The following KAZN variants were observed in gnomAD, a reference collection of about 807,000 sequenced individuals.
The protein encoded by KAZN is kazrin, periplakin interacting protein.
A neutral mutation model predicts 87.4 loss-of-function variants in KAZN; 40 were observed. That is an observed-to-expected ratio of 0.46 (90% CI 0.36 to 0.60). The LOEUF (loss-of-function observed/expected upper bound fraction) is 0.60, where lower values mean the gene tolerates loss of function less well. KAZN is among the 20% of genes least tolerant of loss of function. The probability of loss-of-function intolerance (pLI) is 0.00; values close to 1 mark genes in which losing one functional copy is unlikely to be tolerated. For missense variants in KAZN, 898 were observed against 1,073.9 expected (o/e 0.84, Z 2.29); for synonymous variants, 466 against 458.3 (o/e 1.02, Z -0.22).
intron 1 of KAZN, among the ~76,000 whole-genome samples, chr1:14,706,689 T>A (rs1572272457): frequency 6.6e-6 from 1 of 152,118 alleles, no homozygotes; most frequent in Admixed American, 6.6e-5. Flanking sequence ...GTACTGAGGG[T>A]TGGGACTTGA....
At chr1:14,442,682 A>G (rs1395938474) in intron 2 of KAZN, among the ~76,000 whole-genome samples, 1 of 152,208 alleles carries the variant, frequency 6.6e-6, no homozygotes, top group Non-Finnish European at 1.5e-5. Context: ...TGTGCCTAAG[A>G]GGAAAGAAGA....
intron 1 of KAZN, among the ~76,000 whole-genome samples, chr1:14,902,948 A>C (rs1231450184): frequency 6.7e-6 from 1 of 149,834 alleles, no homozygotes; most frequent in Non-Finnish European, 1.5e-5. Context: ...GGTCACTGCA[A>C]CCTCCACCTC....
At chr1:14,230,471 T>C (rs956019069) in intron 2 of KAZN, among the ~76,000 whole-genome samples, 1 of 152,180 alleles carries the variant, frequency 6.6e-6, no homozygotes, top group Admixed American at 6.5e-5. Flanking sequence ...AAAAAATCTG[T>C]GATTTAGAAA....
At position 15,017,205 on chromosome 1, in the gene KAZN, C is replaced by T. The variant is rs537957391; in HGVS notation, c.419-17544C>T. Among the ~76,000 whole-genome samples, 8 of 150,894 alleles carry T rather than the reference C, an allele frequency of 5.3e-5. No individual in the cohort carries two copies. The South Asian group carries it at 6.3e-4, about 12-fold the overall frequency. The stretch of plus-strand genomic sequence containing the variant: ...CCCAGTCAATCAGGAGGCTGAGGCA[C>T]GAGAATTGCTTGAACCCAGGAGACA... On this transcript the variant is annotated intron_variant, in intron 2 of 14. Coordinates refer to ENST00000376030, the MANE Select transcript of KAZN (RefSeq NM_201628.3).
intron 1 of KAZN, among the ~76,000 whole-genome samples, chr1:14,062,020 A>G (rs1642814717): frequency 6.6e-6 from 1 of 152,190 alleles, no homozygotes; most frequent in East Asian, 1.9e-4. Context: ...TTACTCTGCA[A>G]AAGTACCTTA....
intron 4 of KAZN, among the ~76,000 whole-genome samples, chr1:15,049,415 G>T (rs1674058413): frequency 6.6e-6 from 1 of 152,208 alleles, no homozygotes; most frequent in African/African-American, 2.4e-5. Flanking sequence ...GCTGCCCTGT[G>T]CTCTGTAGGG....
At chr1:14,349,991 C>T (rs1022179150) in intron 2 of KAZN, among the ~76,000 whole-genome samples, 2 of 152,008 alleles carry the variant, frequency 1.3e-5, no homozygotes, top group Non-Finnish European at 2.9e-5. Context: ...AAAAAATTAG[C>T]CAGGTATGGT....
chr1:14,627,479 G>C (rs776445498), intron 1 of KAZN, among the ~76,000 whole-genome samples: 2 of 152,212 alleles, frequency 1.3e-5, no homozygotes, highest in Admixed American at 6.5e-5. Flanking sequence ...GGCCTGATAC[G>C]ATCTCACTCA....
At chr1:15,083,430 C>G (rs1224667885) in intron 8 of KAZN, among the ~76,000 whole-genome samples, 1 of 152,222 alleles carries the variant, frequency 6.6e-6, no homozygotes, top group Admixed American at 6.5e-5. Flanking sequence ...TCACCCCCGC[C>G]AAAGTCTACC....
chr1:14,946,550 G>A (rs1268095622), intron 1 of KAZN, among the ~76,000 whole-genome samples: 1 of 152,072 alleles, frequency 6.6e-6, no homozygotes, highest in Non-Finnish European at 1.5e-5. Flanking sequence ...TGTTAGCCAG[G>A]ATGGTCTCAA....
intron 1 of KAZN, among the ~76,000 whole-genome samples, chr1:14,031,337 C>T (rs1473295139): frequency 1.3e-5 from 2 of 152,170 alleles, no homozygotes; most frequent in African/African-American, 4.8e-5. Flanking sequence ...TTGTTTCCTT[C>T]CCATGTCATA....
chr1:14,476,495 T>C (rs987294263), intron 2 of KAZN, among the ~76,000 whole-genome samples: 7 of 152,184 alleles, frequency 4.6e-5, no homozygotes, highest in Non-Finnish European at 8.8e-5. Flanking sequence ...GATCGTGGGA[T>C]TTCTATCAGA....
chr1:14,414,640 GTGTT>G (rs1475332098), intron 2 of KAZN, among the ~76,000 whole-genome samples: 12 of 152,164 alleles, frequency 7.9e-5, no homozygotes, highest in Admixed American at 7.9e-4. Context: ...ATGTGTGTGT[GTGTT>G]ATACGTATGT....
intron 2 of KAZN, among the ~76,000 whole-genome samples, chr1:14,293,282 A>G (rs1653854342): frequency 6.6e-6 from 1 of 152,176 alleles, no homozygotes. Flanking sequence ...TCTATGTTCT[A>G]GGGCCACCAT....
intron 8 of KAZN, among the ~76,000 whole-genome samples, chr1:15,080,129 G>A (rs1206054441): frequency 6.6e-6 from 1 of 152,166 alleles, no homozygotes; most frequent in African/African-American, 2.4e-5. Flanking sequence ...TGAAGGAGGA[G>A]GATGTCCTCC....
At chr1:13,920,947 G>T (rs1461083607) in intron 1 of KAZN, among the ~76,000 whole-genome samples, 1 of 152,192 alleles carries the variant, frequency 6.6e-6, no homozygotes, top group Non-Finnish European at 1.5e-5. Context: ...TCACTTGTCA[G>T]ATGTACAGCT....
At chr1:15,055,884 A>G (rs554708855) in intron 4 of KAZN, among the ~76,000 whole-genome samples, 1 of 152,166 alleles carries the variant, frequency 6.6e-6, no homozygotes, top group Non-Finnish European at 1.5e-5. Flanking sequence ...TCGCGCCTCC[A>G]GCTGTCTAAT....
At chr1:14,500,004 G>A (rs575067563) in intron 2 of KAZN, among the ~76,000 whole-genome samples, 10 of 152,294 alleles carry the variant, frequency 6.6e-5, no homozygotes, top group South Asian at 2.1e-4. Flanking sequence ...TTAGAAAAAC[G>A]TGAATAGAAT....
intron 2 of KAZN, among the ~76,000 whole-genome samples, chr1:14,964,861 G>A (rs1043305444): frequency 2.1e-4 from 32 of 152,238 alleles, no homozygotes; most frequent in African/African-American, 4.8e-4. Flanking sequence ...ATCAGTCTGC[G>A]GTTACAACAC....
Sources: allele counts gnomAD v4.1 joint callset (sites outside exome capture counted in the v4.1 genomes callset), GRCh38; gene constraint gnomAD v4.1.1; transcripts MANE v1.5; gene names NCBI Gene and HGNC (gene_info 2026-07-23, HGNC 2026-07-21).